The following CDK17 variants were observed in gnomAD, a reference collection of about 807,000 sequenced individuals.
CDK17 encodes the protein cyclin dependent kinase 17.
In CDK17, 24 loss-of-function variants were observed where a neutral mutation model predicts 77.6. The observed-to-expected ratio is 0.31, with a 90% CI of 0.22 to 0.44. CDK17 has a LOEUF of 0.44. CDK17 is among the 20% of genes least tolerant of loss of function. The probability of loss-of-function intolerance (pLI) is 1.00; values close to 1 mark genes in which losing one functional copy is unlikely to be tolerated. For synonymous variants in CDK17, 203 were observed against 210.4 expected (o/e 0.96, Z 0.30); for missense variants, 429 against 622.5 (o/e 0.69, Z 3.31).
intron 1 of CDK17, among the ~76,000 whole-genome samples, chr12:96,377,750 G>A (rs1258490140): frequency 6.8e-6 from 1 of 146,104 alleles, no homozygotes; most frequent in Non-Finnish European, 1.5e-5. Context: ...CTGGAGTGCA[G>A]TGGTGCGATC....
chr12:96,298,204 G>A (rs530906272), intron 7 of CDK17, among the ~76,000 whole-genome samples: 5 of 151,544 alleles, frequency 3.3e-5, no homozygotes, highest in South Asian at 4.2e-4. Context: ...GGAGAATGGC[G>A]TGAACCCAGG....
chr12:96,313,334 C>T lies in CDK17; in HGVS notation c.404G>A (p.Arg135Gln), dbSNP rs753174173. 1.0e-5 allele frequency: 16 copies of T among 1,581,856 alleles called. No homozygotes were observed. Among genetic ancestry groups the T allele is most frequent in the African/African-American group, 2.7e-5 (2 of 72,962 alleles). Residue 135 changes from arginine (R) to glutamine (Q), a missense_variant, in exon 4 of 17, where the codon CGG becomes CAG. This residue lies in a region of CDK17 where 262 missense variants were observed against 385.4 expected (regional missense o/e 0.68). Coordinates refer to ENST00000261211, the MANE Select transcript of CDK17 (RefSeq NM_002595.5). ...TTAAATGATTACCTCCATTGAGATC[C>T]GTCTATGTATACGATTTCTGAGACA... ...GVCLRNRIHR[R>Q]ISMEDLNKRL...
chr12:96,291,122 C>CA (rs34053593), intron 10 of CDK17, among the ~76,000 whole-genome samples: 3,150 of 131,670 alleles, frequency 0.024, 52 homozygotes, highest in African/African-American at 0.04. Flanking sequence ...ACTATGCAAC[C>CA]AAAAAAAAAA....
rs1952145364 is a variant in CDK17 at position 96,279,468 on chromosome 12, G to A, written c.*774C>T. The stretch of plus-strand genomic sequence containing the variant: ...TAAATTTAAAACACAATGTAAAATA[G>A]GTAAGTGTATTAGTATACAAATATC... On this transcript the variant is annotated 3_prime_UTR_variant, in exon 17 of 17. Coordinates refer to ENST00000261211, the MANE Select transcript of CDK17 (RefSeq NM_002595.5). 6.6e-6 allele frequency: 1 copy of A among 152,188 alleles called. No homozygotes were observed. The highest frequency in any genetic ancestry group is 2.4e-5 in the African/African-American group (1 of 41,448). 9.4% of individuals were successfully genotyped at this position (152,188 alleles called of 1,614,324 possible). A position where few individuals can be genotyped will look rare whatever the true frequency, so the allele number is the denominator to read the frequency against.
chr12:96,310,723 T>G (rs1436562777), intron 5 of CDK17, among the ~76,000 whole-genome samples: 4 of 151,148 alleles, frequency 2.6e-5, no homozygotes, highest in African/African-American at 9.7e-5. Flanking sequence ...TCTGTATATC[T>G]AGTATATATT....
chr12:96,399,904 C>T (rs1954231801), intron 1 of CDK17, 82 bp downstream of exon 1: 1 of 332,950 alleles, frequency 3.0e-6, no homozygotes, highest in Non-Finnish European at 5.4e-6. Context: ...CCGCCCCCGC[C>T]TCTGTCCCAC....
At chr12:96,332,086 A>T (rs1014917013) in intron 2 of CDK17, among the ~76,000 whole-genome samples, 1 of 152,180 alleles carries the variant, frequency 6.6e-6, no homozygotes, top group Non-Finnish European at 1.5e-5. Flanking sequence ...ATGTTTAGAT[A>T]CACTTAGATA....
At chr12:96,301,186 C>T (rs1952495041) in intron 5 of CDK17, among the ~76,000 whole-genome samples, 1 of 133,692 alleles carries the variant, frequency 7.5e-6, no homozygotes. Flanking sequence ...AAGTGGCAAA[C>T]ATAGAAGCAG....
intron 1 of CDK17, among the ~76,000 whole-genome samples, chr12:96,390,800 T>C (rs774709724): frequency 6.6e-6 from 1 of 151,092 alleles, no homozygotes; most frequent in Non-Finnish European, 1.5e-5. Context: ...ATTTAATTAC[T>C]GTAATTCCAT....
intron 1 of CDK17, among the ~76,000 whole-genome samples, chr12:96,353,174 A>G (rs557191929): frequency 1.3e-5 from 2 of 152,358 alleles, no homozygotes; most frequent in Non-Finnish European, 2.9e-5. Context: ...AAACATATAT[A>G]AATACATTCA....
intron 1 of CDK17, among the ~76,000 whole-genome samples, chr12:96,353,948 G>A (rs2037392606): frequency 6.6e-6 from 1 of 152,158 alleles, no homozygotes; most frequent in South Asian, 2.1e-4. Flanking sequence ...TCTGAGAGCT[G>A]CACTTATATA....
chr12:96,375,393 T>C (rs554412998), intron 1 of CDK17, among the ~76,000 whole-genome samples: 2 of 152,020 alleles, frequency 1.3e-5, no homozygotes, highest in Non-Finnish European at 2.9e-5. Flanking sequence ...CACACACCAG[T>C]GTGGCCTAAG....
rs1052184948 is a variant in CDK17 at position 96,278,531 on chromosome 12, A to G, written c.*1711T>C. The G allele has an allele frequency of 6.6e-6, 1 of 152,550 alleles. No homozygotes were observed. The highest frequency in any genetic ancestry group is 1.5e-5 in the Non-Finnish European group (1 of 67,978). The allele number at this position is 152,550 out of a possible 1,614,324, so 9.4% of individuals were successfully genotyped here. A position where few individuals can be genotyped will look rare whatever the true frequency, so the allele number is the denominator to read the frequency against. On this transcript the variant is annotated 3_prime_UTR_variant, in exon 17 of 17. Transcript: ENST00000261211. ...GCACAGCCTTCATCCCCAAGAAAGA[A>G]CTGTGACTCAATAAAACCACATTTT...
chr12:96,399,647 G>A (rs533417034), intron 1 of CDK17, among the ~76,000 whole-genome samples: 1 of 152,148 alleles, frequency 6.6e-6, no homozygotes, highest in Admixed American at 6.5e-5. Flanking sequence ...TCCGCCTCGC[G>A]AGGAGACCGG....
At chr12:96,365,227 T>C (rs1478968103) in intron 1 of CDK17, among the ~76,000 whole-genome samples, 3 of 152,212 alleles carry the variant, frequency 2.0e-5, no homozygotes, top group Non-Finnish European at 4.4e-5. Flanking sequence ...AAGTTGATAA[T>C]TCATTCATCA....
chr12:96,286,066 C>A lies in CDK17; in HGVS notation c.1299G>T (p.Gln433His). The A allele has an allele frequency of 1.3e-6, 2 of 1,569,036 alleles. No individual in the cohort carries two copies. The highest frequency in any genetic ancestry group is 1.7e-6 in the Non-Finnish European group (2 of 1,152,924). ...KNYNFPKYKP[Q>H]PLINHAPRLD... is the part of the protein sequence containing the mutation. ...ACCTGGGTGCGTGGTTAATTAGAGG[C>A]TGTGGTTTATATTTTGGAAAGTTGT... Residue 433 changes from glutamine to histidine, a missense_variant, in exon 13 of 17, where the codon CAG becomes CAT. Physicochemically the swap from Gln to His is conservative, Grantham distance 24 (BLOSUM62 0). Around this residue, in one of 4 missense-constraint regions of CDK17, gnomAD observed 115 missense variants for 124.2 expected, o/e 0.93. Transcript: ENST00000261211.
intron 1 of CDK17, among the ~76,000 whole-genome samples, chr12:96,379,887 C>T (rs1953847796): frequency 6.6e-6 from 1 of 152,064 alleles, no homozygotes; most frequent in Non-Finnish European, 1.5e-5. Flanking sequence ...AAACAATTCT[C>T]CCTGGGCGCT....
chr12:96,320,557 A>C (rs1383176735), intron 3 of CDK17, among the ~76,000 whole-genome samples: 1 of 149,068 alleles, frequency 6.7e-6, no homozygotes, highest in African/African-American at 2.4e-5. Context: ...ACTTCAAACT[A>C]TACTACAAGG....
At position 96,324,010 on chromosome 12, in the gene CDK17, T is replaced by C. The variant is rs1381897376; in HGVS notation, c.221A>G (p.His74Arg). The change falls in exon 3 of 17, where the codon CAC becomes CGC. Residue 74 changes from histidine to arginine, a missense_variant. Transcript: ENST00000261211. ...GCCAAGGCTCCCTCCAATAACACTG[T>C]GTGGTCTCCGCAATGGGGGCTTCTT... ...SFKKPPLRRP[H>R]SVIGGSLGSF... 4.3e-6 allele frequency: 7 copies of C among 1,611,712 alleles called. No homozygotes were observed. The highest frequency in any genetic ancestry group is 5.9e-6 in the Non-Finnish European group (7 of 1,178,830).
Sources: allele counts gnomAD v4.1 joint callset (sites outside exome capture counted in the v4.1 genomes callset), GRCh38; gene constraint gnomAD v4.1.1; regional missense constraint gnomAD v4.1.1; transcripts MANE v1.5; gene names NCBI Gene and HGNC (gene_info 2026-07-23, HGNC 2026-07-21).